Variants in GRM5 observed in about 807,000 individuals in gnomAD.
GRM5 encodes glutamate metabotropic receptor 5, also known as metabotropic glutamate receptor 5.
A neutral mutation model predicts 83.1 loss-of-function variants in GRM5; 19 were observed. The observed-to-expected ratio is 0.23, with a 90% CI of 0.16 to 0.34. GRM5 has a LOEUF of 0.34. Ranked by LOEUF, GRM5 falls within the 10% of genes least tolerant of loss-of-function variation. The pLI is 1.00. For synonymous variants in GRM5, 675 were observed against 633.6 expected, an observed-to-expected ratio of 1.07 and a Z score of -0.98; for missense variants, 1,160 against 1,588.3, an observed-to-expected ratio of 0.73 and a Z score of 4.58.
intron 3 of GRM5, among the ~76,000 whole-genome samples, chr11:88,829,032 A>G (rs543096216): frequency 6.6e-6 from 1 of 151,480 alleles, no homozygotes; most frequent in Admixed American, 6.6e-5. Context: ...TAATTTTATA[A>G]TTAGAAAAAA....
chr11:88,636,743 G>A lies in GRM5; in HGVS notation c.1147+16425C>T, dbSNP rs563413908. On this transcript the variant is annotated intron_variant, in intron 4 of 9. Coordinates refer to ENST00000305447, the MANE Select transcript of GRM5 (RefSeq NM_001143831.3). Reference sequence around the variant, plus strand: ...TAGTTTTTGTATAAGGTGTAAGGAAGGGATCCAGTTTCAGCTTTCTACATA... The same window carrying A: ...TAGTTTTTGTATAAGGTGTAAGGAAAGGATCCAGTTTCAGCTTTCTACATA... 3.8e-3 allele frequency among the ~76,000 whole-genome samples: 575 copies of A among 152,230 alleles called. 1 individual carries two copies. Among genetic ancestry groups the A allele is most frequent in the Admixed American group, 7.9e-3 (120 of 15,284 alleles).
At chr11:88,982,183 A>G (rs1939546427) in intron 2 of GRM5, among the ~76,000 whole-genome samples, 1 of 152,148 alleles carries the variant, frequency 6.6e-6, no homozygotes, top group African/African-American at 2.4e-5. Context: ...CACTAAAATT[A>G]TTTTCTCATG....
At chr11:88,801,213 A>G (rs1943386817) in intron 3 of GRM5, among the ~76,000 whole-genome samples, 1 of 152,120 alleles carries the variant, frequency 6.6e-6, no homozygotes, top group South Asian at 2.1e-4. Flanking sequence ...GGTAGGGAAT[A>G]AGAAAAGTAC....
At chr11:88,802,832 C>A (rs1389774995) in intron 3 of GRM5, among the ~76,000 whole-genome samples, 2 of 151,610 alleles carry the variant, frequency 1.3e-5, no homozygotes, top group African/African-American at 2.4e-5. Flanking sequence ...GCAACTTCAG[C>A]AAATTCTCAG....
At chr11:88,797,812 A>T (rs771600692) in intron 3 of GRM5, among the ~76,000 whole-genome samples, 1 of 139,604 alleles carries the variant, frequency 7.2e-6, no homozygotes, top group Non-Finnish European at 1.5e-5. Context: ...AAACATTTTC[A>T]TGAATTGCTG....
At chr11:88,849,809 G>T (rs1944358386) in intron 3 of GRM5, 97 bp downstream of exon 3, 3 of 1,163,090 alleles carry the variant, frequency 2.6e-6, no homozygotes, top group African/African-American at 1.5e-5. Context: ...CACAGATTAA[G>T]CTTTGAAAGA....
At chr11:88,676,880 C>G (rs1407177425) in intron 3 of GRM5, among the ~76,000 whole-genome samples, 1 of 151,864 alleles carries the variant, frequency 6.6e-6, no homozygotes, top group South Asian at 2.1e-4. Context: ...CAAATGGGGA[C>G]AAGAAAAAGT....
intron 2 of GRM5, among the ~76,000 whole-genome samples, chr11:88,937,790 G>A (rs114761206): frequency 0.03 from 4,527 of 151,720 alleles, 218 homozygotes; most frequent in African/African-American, 0.1. Flanking sequence ...AGAGGTGTTT[G>A]TTATATTCAC....
chr11:88,909,674 T>A (rs1422840996), intron 2 of GRM5, among the ~76,000 whole-genome samples: 3 of 152,032 alleles, frequency 2.0e-5, no homozygotes, highest in African/African-American at 7.2e-5. Flanking sequence ...CTCACTGGTA[T>A]CTCCAAGATG....
chr11:88,676,100 G>A (rs1480657176), intron 3 of GRM5, among the ~76,000 whole-genome samples: 1 of 151,938 alleles, frequency 6.6e-6, no homozygotes, highest in Non-Finnish European at 1.5e-5. Flanking sequence ...ATCCTTTAGG[G>A]AAGTTACCAT....
At chr11:88,907,800 A>G (rs1474605596) in intron 2 of GRM5, among the ~76,000 whole-genome samples, 1 of 152,154 alleles carries the variant, frequency 6.6e-6, no homozygotes, top group Non-Finnish European at 1.5e-5. Context: ...TGTTCCTCAG[A>G]ATTATTAAAG....
intron 2 of GRM5, among the ~76,000 whole-genome samples, chr11:88,964,751 G>A (rs1379773989): frequency 1.3e-5 from 2 of 152,232 alleles, no homozygotes; most frequent in East Asian, 3.9e-4. Flanking sequence ...AAAGAATGAG[G>A]TCAAATTATA....
intron 3 of GRM5, among the ~76,000 whole-genome samples, chr11:88,758,925 G>GAAGC (rs1441856921): frequency 6.6e-6 from 1 of 151,952 alleles, no homozygotes; most frequent in Non-Finnish European, 1.5e-5. Flanking sequence ...AGAAGAGATT[G>GAAGC]AAGCCAACAT....
At chr11:88,629,418 T>C (rs539109964) in intron 4 of GRM5, among the ~76,000 whole-genome samples, 10 of 152,186 alleles carry the variant, frequency 6.6e-5, no homozygotes, top group Non-Finnish European at 1.3e-4. Flanking sequence ...TCTTCTCTCC[T>C]TGTTTTAATC....
At position 88,511,258 on chromosome 11, in the gene GRM5, G is replaced by C. The variant is rs182176662; in HGVS notation, c.2727-1754C>G. 3.7e-4 allele frequency among the ~76,000 whole-genome samples: 57 copies of C among 152,236 alleles called. No individual in the cohort carries two copies. In the East Asian group the frequency reaches 0.011, roughly 29 times the overall value. ...TCCCCTTGGGCCCCCTTGCTGGAGG[G>C]CTGGCTTGCCTTTGAGGGGCTGGGG... On this transcript the variant is annotated intron_variant, in intron 9 of 9. Transcript: ENST00000305447.
At chr11:88,889,121 C>G (rs1047566444) in intron 2 of GRM5, among the ~76,000 whole-genome samples, 1 of 152,158 alleles carries the variant, frequency 6.6e-6, no homozygotes, top group East Asian at 1.9e-4. Flanking sequence ...AAGCACTAAT[C>G]TTGAGGGCTA....
chr11:88,831,714 G>A (rs1048509800), intron 3 of GRM5, among the ~76,000 whole-genome samples: 1 of 152,148 alleles, frequency 6.6e-6, no homozygotes. Flanking sequence ...CACACCAACT[G>A]TGGGCCAGCG....
At chr11:88,947,839 C>T (rs1015913431) in intron 2 of GRM5, among the ~76,000 whole-genome samples, 13 of 152,288 alleles carry the variant, frequency 8.5e-5, no homozygotes, top group Admixed American at 3.3e-4. Flanking sequence ...CATCTTTCCT[C>T]ATACTACTAT....
chr11:88,814,236 A>AT (rs1402147122), intron 3 of GRM5, among the ~76,000 whole-genome samples: 1 of 152,238 alleles, frequency 6.6e-6, no homozygotes, highest in African/African-American at 2.4e-5. Context: ...GCCCTAGCCC[A>AT]TAGCCACAAG....
Sources: allele counts gnomAD v4.1 joint callset (sites outside exome capture counted in the v4.1 genomes callset), GRCh38; gene constraint gnomAD v4.1.1; transcripts MANE v1.5; gene names NCBI Gene and HGNC (gene_info 2026-07-23, HGNC 2026-07-21).